Variants in CHD2 observed in about 807,000 individuals in gnomAD.
CHD2 encodes the protein chromodomain helicase DNA binding protein 2, also known as ATP-dependent chromatin remodeler CHD2.
Under a neutral mutation model 243.9 loss-of-function variants are expected in CHD2, and 28 were observed. The ratio of observed to expected loss-of-function variants is 0.11; its 90% confidence interval spans 0.09 to 0.16. The LOEUF (loss-of-function observed/expected upper bound fraction) is 0.16. Among genes scored for constraint, CHD2 ranks in the 10% least tolerant of loss-of-function variants. The pLI is 1.00. For missense variants in CHD2, 1,386 were observed against 2,209.8 expected, an observed-to-expected ratio of 0.63 and a Z score of 7.47; for synonymous variants, 775 against 779.0, an observed-to-expected ratio of 0.99 and a Z score of 0.09.
Position 92,941,917 on chromosome 15 carries a change from T to C in CHD2, c.788T>C (p.Ile263Thr). 6.2e-7 allele frequency: 1 copy of C among 1,613,512 alleles called. No individual in the cohort carries two copies. Among genetic ancestry groups the C allele is most frequent in the East Asian group, 2.2e-5 (1 of 44,758 alleles). The change falls in exon 8 of 39, where the codon ATT (isoleucine) becomes ACT (threonine). Residue 263 changes from isoleucine to threonine, a missense_variant. Ile to Thr is a moderately conservative substitution (Grantham distance 89). This residue lies in a region of CHD2 where 200 missense variants were observed against 292.5 expected (regional missense o/e 0.68). Transcript: ENST00000394196. ...VDEQQDNSET[I>T]EKVLDSRLGK... ...GAACAGCAAGATAATAGTGAAACTATTGAAAAGGTCTTAGATTCAAGACTG... is the reference window on the plus strand; with the variant it reads ...GAACAGCAAGATAATAGTGAAACTACTGAAAAGGTCTTAGATTCAAGACTG...
At chr15:92,912,143 G>GTTTGTTTT (rs1384933756) in intron 2 of CHD2, among the ~76,000 whole-genome samples, 1 of 152,034 alleles carries the variant, frequency 6.6e-6, no homozygotes, top group African/African-American at 2.4e-5. Flanking sequence ...TTTGCTTCAA[G>GTTTGTTTT]TTTGTTTTTT....
intron 16 of CHD2, 53 bp from the exon 17 acceptor site, chr15:92,967,272 T>C: frequency 7.6e-7 from 1 of 1,315,226 alleles, no homozygotes. Flanking sequence ...TTTTTTTTCC[T>C]ATTCTTCTTT....
chr15:93,001,762 C>G (rs563772985), intron 32 of CHD2, among the ~76,000 whole-genome samples: 52 of 152,252 alleles, frequency 3.4e-4, no homozygotes, highest in African/African-American at 1.2e-3. Flanking sequence ...GGTGACAGGT[C>G]TGCCTCAGCC....
intron 2 of CHD2, among the ~76,000 whole-genome samples, chr15:92,903,607 TTG>T (rs2052562461): frequency 6.6e-6 from 1 of 152,232 alleles, no homozygotes; most frequent in Non-Finnish European, 1.5e-5. Flanking sequence ...TGATTGATAT[TTG>T]TAAAATTTCT....
intron 5 of CHD2, among the ~76,000 whole-genome samples, chr15:92,935,675 A>G (rs1478741618): frequency 6.6e-6 from 1 of 152,240 alleles, no homozygotes; most frequent in African/African-American, 2.4e-5. Flanking sequence ...CTGCAGACTC[A>G]TGCTGGTCTC....
chr15:92,972,536 T>C (rs915564496), intron 19 of CHD2, 119 bp downstream of exon 19: 17 of 945,526 alleles, frequency 1.8e-5, no homozygotes, highest in Non-Finnish European at 2.3e-5. Flanking sequence ...AAGAGTTTTC[T>C]TGTTTCAAAG....
chr15:92,997,226 G>A lies in CHD2; in HGVS notation c.3735-27G>A, dbSNP rs2054199943. 7.4e-6 allele frequency: 12 copies of A among 1,613,658 alleles called. No homozygotes were observed. In the East Asian group the frequency reaches 2.7e-4, roughly 36 times the overall value. ...ATACCAAAAAGGCCCCTCTTCTAAT[G>A]TCTTCCTGTTTTTAAACTTTCTTTA... On this transcript the variant is annotated intron_variant, in intron 29 of 38. Coordinates refer to ENST00000394196, the MANE Select transcript of CHD2 (RefSeq NM_001271.4). This position sits in a 1 kb window ranked among gnomAD's most constrained non-coding sequence, Gnocchi z 4.1.
At chr15:92,924,079 CATAGAA>C (rs1475617486) in intron 2 of CHD2, among the ~76,000 whole-genome samples, 3 of 152,076 alleles carry the variant, frequency 2.0e-5, no homozygotes, top group Admixed American at 2.0e-4. Context: ...AGAGCCTGTC[CATAGAA>C]ATAACCTGTT....
intron 28 of CHD2, among the ~76,000 whole-genome samples, chr15:92,994,601 G>A (rs754511158): frequency 6.6e-6 from 1 of 152,098 alleles, no homozygotes; most frequent in Non-Finnish European, 1.5e-5. Context: ...TAGGTTTAAT[G>A]TACAGTATGT....
chr15:93,021,083 C>G (rs1008369413), intron 38 of CHD2: 1 of 152,140 alleles, frequency 6.6e-6, no homozygotes, highest in African/African-American at 2.4e-5. Flanking sequence ...TTCCTTTTGC[C>G]TGAAGGACTT....
intron 24 of CHD2, among the ~76,000 whole-genome samples, 193 bp downstream of exon 24, chr15:92,981,650 G>A (rs1362820798): frequency 2.0e-5 from 3 of 152,222 alleles, no homozygotes; most frequent in East Asian, 1.9e-4. Flanking sequence ...GGTAATCACT[G>A]AAGTGGGCTA....
chr15:92,998,637 G>A lies in CHD2; in HGVS notation c.4008+16G>A. 3.7e-6 allele frequency: 6 copies of A among 1,608,834 alleles called. No individual in the cohort carries two copies. Among genetic ancestry groups the A allele is most frequent in the Non-Finnish European group, 5.1e-6 (6 of 1,177,308 alleles). On this transcript the variant is annotated intron_variant, in intron 31 of 38. Transcript: ENST00000394196. The surrounding 1 kb of genome is among the most constrained non-coding windows in gnomAD (Gnocchi z 5.1). ...TGGGGAAGAGGTGAGTACGCTGCCA[G>A]CTGGTTGTTTTTCAGGGGCCTGAGG...
rs777112837 is a variant in CHD2, at chr15:92,985,470, A to G, written c.3238-28A>G. 3.1e-6 allele frequency: 5 copies of G among 1,588,770 alleles called. No homozygotes were observed. The South Asian group carries it at 3.4e-5, about 11-fold the overall frequency. On this transcript the variant is annotated intron_variant, in intron 25 of 38. Transcript: ENST00000394196. ...ACCACTTGAACTTCGCACTTGTTAC[A>G]GTGTGACTTTGCCTCGATCTTTCTC...
At position 92,939,728 on chromosome 15, in the gene CHD2, ACC is replaced by A; in HGVS notation, c.692+13_692+14del. On this transcript the variant is annotated intron_variant, in intron 7 of 38. Transcript: ENST00000394196. ...CGGCTAAAAACGTTAGGTAAGTTGT[ACC>A]CCAGAAGTGTTTCACTGGTGTGATG... 1 of 1,611,374 alleles carries A rather than the reference ACC, an allele frequency of 6.2e-7. No individual in the cohort carries two copies. Among genetic ancestry groups the A allele is most frequent in the South Asian group, 1.1e-5 (1 of 90,874 alleles).
At chr15:92,966,155 C>G (rs1422497868) in intron 16 of CHD2, among the ~76,000 whole-genome samples, 2 of 151,264 alleles carry the variant, frequency 1.3e-5, no homozygotes, top group African/African-American at 4.9e-5. Context: ...CCTTCATCTC[C>G]TGGGTTCCAG....
At chr15:92,969,218 G>A (rs1038017518) in intron 17 of CHD2, among the ~76,000 whole-genome samples, 12 of 152,228 alleles carry the variant, frequency 7.9e-5, no homozygotes, top group African/African-American at 2.9e-4. Flanking sequence ...ATTTAGTTGA[G>A]TTTTTATCAC....
At chr15:92,981,685 G>A (rs555592732) in intron 24 of CHD2, among the ~76,000 whole-genome samples, 40 of 152,244 alleles carry the variant, frequency 2.6e-4, no homozygotes, top group African/African-American at 8.9e-4. Flanking sequence ...AGTGTGTGGC[G>A]GAAAAGAAAT....
In CHD2 at chr15:92,998,469, G is replaced by A. The variant is rs1422633084; in HGVS notation, c.3886-30G>A. The A allele has an allele frequency of 1.2e-6, 2 of 1,612,964 alleles. No individual in the cohort carries two copies. The highest frequency in any genetic ancestry group is 1.7e-6 in the Non-Finnish European group (2 of 1,179,238). On this transcript the variant is annotated intron_variant, in intron 30 of 38. Transcript: ENST00000394196. The surrounding 1 kb of genome is among the most constrained non-coding windows in gnomAD (Gnocchi z 5.1). ...TCCACTAACCAGGATGTGGGTGGTGGCGGGTGCTTCTCTTCCTTTCTTGTT... is the reference window on the plus strand; with the variant it reads ...TCCACTAACCAGGATGTGGGTGGTGACGGGTGCTTCTCTTCCTTTCTTGTT...
chr15:92,987,772 TG>T (rs1217759964), intron 26 of CHD2, among the ~76,000 whole-genome samples: 34 of 152,202 alleles, frequency 2.2e-4, no homozygotes, highest in South Asian at 8.3e-4. Context: ...CTATATGTCA[TG>T]TTTTTTTTGT....
Sources: allele counts gnomAD v4.1 joint callset (sites outside exome capture counted in the v4.1 genomes callset), GRCh38; gene constraint gnomAD v4.1.1; regional missense constraint gnomAD v4.1.1; non-coding constraint Gnocchi (gnomAD v3.1); transcripts MANE v1.5; gene names NCBI Gene and HGNC (gene_info 2026-07-23, HGNC 2026-07-21).